Variants in MYO6 observed in about 807,000 individuals in gnomAD.
The protein encoded by MYO6 is myosin VI, also known as unconventional myosin-VI.
A neutral mutation model predicts 178.7 loss-of-function variants in MYO6; 74 were observed. That is an observed-to-expected ratio of 0.41 (90% CI 0.34 to 0.50). The LOEUF (loss-of-function observed/expected upper bound fraction) is 0.50. MYO6 is among the 20% of genes least tolerant of loss of function. The probability of loss-of-function intolerance (pLI) is 0.09; values close to 1 mark genes in which losing one functional copy is unlikely to be tolerated. For missense variants in MYO6, 1,330 were observed against 1,547.4 expected (o/e 0.86, Z 2.36); for synonymous variants, 477 against 504.6 (o/e 0.95, Z 0.73).
chr6:75,893,599 T>C (rs946545950), intron 28 of MYO6, among the ~76,000 whole-genome samples: 1 of 152,194 alleles, frequency 6.6e-6, no homozygotes, highest in Non-Finnish European at 1.5e-5. Flanking sequence ...AAAGGGCATA[T>C]TGAGTTGCCT....
chr6:75,786,848 T>A (rs1767618034), intron 1 of MYO6, among the ~76,000 whole-genome samples: 2 of 152,228 alleles, frequency 1.3e-5, no homozygotes, highest in South Asian at 4.1e-4. Context: ...CACTTCAGTG[T>A]GTATTTCTTG....
chr6:75,882,813 G>A (rs9341539), intron 23 of MYO6, among the ~76,000 whole-genome samples: 57,319 of 151,820 alleles, frequency 0.38, 12,219 homozygotes, highest in Middle Eastern at 0.53. Context: ...CAGACAAACC[G>A]TATTCATAAA....
At chr6:75,812,615 T>G (rs1227383388) in intron 1 of MYO6, among the ~76,000 whole-genome samples, 1 of 152,256 alleles carries the variant, frequency 6.6e-6, no homozygotes, top group South Asian at 2.1e-4. Context: ...CTTCCCAGCC[T>G]CAGGTATCAT....
At chr6:75,905,398 T>C (rs149426821) in intron 30 of MYO6, among the ~76,000 whole-genome samples, 2 of 152,216 alleles carry the variant, frequency 1.3e-5, no homozygotes, top group Admixed American at 6.5e-5. Flanking sequence ...CTCCGAGCCA[T>C]GTGCGGGATA....
intron 1 of MYO6, among the ~76,000 whole-genome samples, chr6:75,802,558 A>T (rs1769591242): frequency 6.7e-6 from 1 of 148,456 alleles, no homozygotes; most frequent in Non-Finnish European, 1.5e-5. Flanking sequence ...ATCATGACTC[A>T]CTAGCCTCAA....
intron 1 of MYO6, among the ~76,000 whole-genome samples, chr6:75,773,567 A>G (rs1766094288): frequency 6.6e-6 from 1 of 152,210 alleles, no homozygotes; most frequent in African/African-American, 2.4e-5. Flanking sequence ...TGCTATGTAG[A>G]GGCACAATGC....
chr6:75,824,499 A>G (rs1772231052), intron 3 of MYO6, among the ~76,000 whole-genome samples: 1 of 152,164 alleles, frequency 6.6e-6, no homozygotes, highest in African/African-American at 2.4e-5. Flanking sequence ...TCCTCTGCTG[A>G]ATGACACACT....
At chr6:75,890,666 C>A (rs929182223) in intron 26 of MYO6, among the ~76,000 whole-genome samples, 1 of 152,076 alleles carries the variant, frequency 6.6e-6, no homozygotes, top group Non-Finnish European at 1.5e-5. Flanking sequence ...AAACTGTGTT[C>A]TTATTTTAAT....
chr6:75,848,175 A>C (rs1277381242), intron 10 of MYO6, among the ~76,000 whole-genome samples, 176 bp from the exon 11 acceptor site: 1 of 152,190 alleles, frequency 6.6e-6, no homozygotes, highest in African/African-American at 2.4e-5. Flanking sequence ...GAACAGAGAG[A>C]TCCTGTGTAT....
chr6:75,873,031 C>G (rs1229731137), intron 19 of MYO6, among the ~76,000 whole-genome samples, 176 bp from the exon 20 acceptor site: 1 of 152,150 alleles, frequency 6.6e-6, no homozygotes, highest in Non-Finnish European at 1.5e-5. Flanking sequence ...ATTTCAGCCT[C>G]CCAAAATGCT....
intron 30 of MYO6, among the ~76,000 whole-genome samples, chr6:75,905,670 A>T (rs1457438480): frequency 6.6e-6 from 1 of 152,088 alleles, no homozygotes; most frequent in Non-Finnish European, 1.5e-5. Context: ...TGCAGAAATC[A>T]CCCGTCTTCT....
At chr6:75,777,194 T>G (rs1257565298) in intron 1 of MYO6, among the ~76,000 whole-genome samples, 1 of 152,202 alleles carries the variant, frequency 6.6e-6, no homozygotes, top group African/African-American at 2.4e-5. Context: ...CATTGTTAAA[T>G]GTATTAATAT....
chr6:75,781,679 T>G (rs1766993624), intron 1 of MYO6, among the ~76,000 whole-genome samples: 1 of 151,904 alleles, frequency 6.6e-6, no homozygotes, highest in Non-Finnish European at 1.5e-5. Flanking sequence ...CCCAGCACAT[T>G]GGGAGGCTGA....
At chr6:75,774,619 G>A (rs1766200062) in intron 1 of MYO6, among the ~76,000 whole-genome samples, 2 of 151,882 alleles carry the variant, frequency 1.3e-5, no homozygotes, top group African/African-American at 4.8e-5. Context: ...CTTTAAAAAA[G>A]TAGCTTCTTA....
At chr6:75,890,421 A>T (rs1025716806) in intron 26 of MYO6, among the ~76,000 whole-genome samples, 156 bp downstream of exon 26, 3 of 152,150 alleles carry the variant, frequency 2.0e-5, no homozygotes, top group Non-Finnish European at 4.4e-5. Context: ...ATCTTGGCTT[A>T]CTGCACTCTG....
intron 1 of MYO6, among the ~76,000 whole-genome samples, chr6:75,797,579 G>A (rs764027805): frequency 1.1e-4 from 16 of 151,954 alleles, no homozygotes; most frequent in Non-Finnish European, 2.1e-4. Flanking sequence ...TGTTGCCCAG[G>A]TTGGAGTGCA....
chr6:75,749,497 G>A (rs894488766), intron 1 of MYO6, 74 bp downstream of exon 1: 2 of 152,210 alleles, frequency 1.3e-5, no homozygotes, highest in Non-Finnish European at 2.9e-5. Context: ...CTTGCTCCCG[G>A]GCCTCCTCGA....
At chr6:75,811,124 G>A (rs1266249678) in intron 1 of MYO6, among the ~76,000 whole-genome samples, 1 of 152,054 alleles carries the variant, frequency 6.6e-6, no homozygotes, top group Non-Finnish European at 1.5e-5. Flanking sequence ...TGGGGATTGG[G>A]GTAGGGGGGC....
chr6:75,810,043 C>T (rs1267603079), intron 1 of MYO6, among the ~76,000 whole-genome samples: 1 of 147,174 alleles, frequency 6.8e-6, no homozygotes, highest in African/African-American at 2.6e-5. Context: ...CAGATTGCCC[C>T]ATTGCCCTCC....
Sources: allele counts gnomAD v4.1 joint callset (sites outside exome capture counted in the v4.1 genomes callset), GRCh38; gene constraint gnomAD v4.1.1; transcripts MANE v1.5; gene names NCBI Gene and HGNC (gene_info 2026-07-23, HGNC 2026-07-21).